The following PSD3 variants were observed in gnomAD, a reference collection of about 807,000 sequenced individuals.
PSD3 encodes PH and SEC7 domain-containing protein 3.
PSD3 carries 49 observed loss-of-function variants against 105.5 expected under a neutral mutation model. The ratio of observed to expected loss-of-function variants is 0.46; its 90% CI spans 0.37 to 0.59. PSD3 has a LOEUF of 0.59. Among genes scored for constraint, PSD3 ranks in the 20% least tolerant of loss-of-function variants. The pLI is 0.00. For missense variants in PSD3, 1,561 were observed against 1,263.8 expected, an observed-to-expected ratio of 1.24 and a Z score of -3.57; for synonymous variants, 557 against 457.8, an observed-to-expected ratio of 1.22 and a Z score of -2.77.
chr8:18,617,789 T>G (rs1805803933), intron 11 of PSD3, among the ~76,000 whole-genome samples: 1 of 152,142 alleles, frequency 6.6e-6, no homozygotes, highest in Admixed American at 6.5e-5. Context: ...AACAGACTCT[T>G]AGTAGCACTA....
intron 11 of PSD3, among the ~76,000 whole-genome samples, chr8:18,619,637 T>C (rs1356557411): frequency 6.9e-6 from 1 of 145,808 alleles, no homozygotes; most frequent in African/African-American, 2.5e-5. Flanking sequence ...GAGTGAAACC[T>C]CATCTCAAAA....
At chr8:18,844,297 A>G (rs1563337103) in intron 4 of PSD3, among the ~76,000 whole-genome samples, 1 of 152,142 alleles carries the variant, frequency 6.6e-6, no homozygotes, top group Non-Finnish European at 1.5e-5. Flanking sequence ...AAGATGGTGA[A>G]ATTTTTTACA....
intron 14 of PSD3, among the ~76,000 whole-genome samples, chr8:18,557,078 A>G (rs1801126416): frequency 6.6e-6 from 1 of 152,228 alleles, no homozygotes; most frequent in Admixed American, 6.5e-5. Flanking sequence ...GGTACCATTT[A>G]TATCACCTTA....
chr8:19,063,850 A>T (rs565947430), intron 1 of PSD3, among the ~76,000 whole-genome samples: 1 of 152,162 alleles, frequency 6.6e-6, no homozygotes, highest in Non-Finnish European at 1.5e-5. Context: ...AGCACAAAAA[A>T]GAAATTCAAG....
chr8:19,052,982 G>A (rs1828584400), intron 1 of PSD3, among the ~76,000 whole-genome samples: 1 of 152,150 alleles, frequency 6.6e-6, no homozygotes, highest in South Asian at 2.1e-4. Context: ...TTCACACTGT[G>A]GAAGGTCAGG....
At chr8:19,027,356 G>T (rs893203616) in intron 1 of PSD3, among the ~76,000 whole-genome samples, 1 of 152,146 alleles carries the variant, frequency 6.6e-6, no homozygotes, top group African/African-American at 2.4e-5. Context: ...GTAAGTTCTG[G>T]GAACCCAGCT....
intron 1 of PSD3, among the ~76,000 whole-genome samples, chr8:18,960,195 T>C (rs1227045962): frequency 6.6e-6 from 1 of 152,230 alleles, no homozygotes; most frequent in Non-Finnish European, 1.5e-5. Flanking sequence ...TTTAGATGCA[T>C]GCTCAGAACA....
chr8:18,770,194 G>C (rs532329623), intron 8 of PSD3, among the ~76,000 whole-genome samples: 3 of 152,126 alleles, frequency 2.0e-5, no homozygotes, highest in African/African-American at 7.2e-5. Context: ...GTATGCTATG[G>C]TTTTGATTTG....
chr8:18,836,141 G>A (rs1419572420), intron 4 of PSD3, among the ~76,000 whole-genome samples: 1 of 152,164 alleles, frequency 6.6e-6, no homozygotes, highest in Non-Finnish European at 1.5e-5. Flanking sequence ...TCACCTGAGT[G>A]AGATGCCAAA....
intron 14 of PSD3, among the ~76,000 whole-genome samples, chr8:18,559,341 T>C (rs902058071): frequency 6.6e-6 from 1 of 152,236 alleles, no homozygotes; most frequent in African/African-American, 2.4e-5. Context: ...CCACTGTGAT[T>C]TGAATTTATA....
chr8:18,945,133 C>G (rs953559621), intron 1 of PSD3, among the ~76,000 whole-genome samples: 7 of 152,220 alleles, frequency 4.6e-5, no homozygotes, highest in African/African-American at 1.7e-4. Context: ...AAATAAAGGT[C>G]CTCCCCCACA....
chr8:19,029,044 T>C (rs1827666195), intron 1 of PSD3, among the ~76,000 whole-genome samples: 1 of 152,214 alleles, frequency 6.6e-6, no homozygotes, highest in Non-Finnish European at 1.5e-5. Context: ...CTTACAATAA[T>C]GCAAAGTCTT....
chr8:18,796,138 A>C (rs373262251), intron 8 of PSD3, among the ~76,000 whole-genome samples: 6 of 150,796 alleles, frequency 4.0e-5, no homozygotes, highest in African/African-American at 1.5e-4. Flanking sequence ...TATATCAGTC[A>C]CATTTTTTTA....
intron 9 of PSD3, among the ~76,000 whole-genome samples, chr8:18,712,315 C>CAA (rs200087586): frequency 1.2e-3 from 143 of 123,756 alleles, no homozygotes; most frequent in East Asian, 1.9e-3. Context: ...AAAATCCTTC[C>CAA]AAAAAAAAAA....
chr8:18,669,158 A>C (rs1485692936), intron 9 of PSD3, among the ~76,000 whole-genome samples: 1 of 152,180 alleles, frequency 6.6e-6, no homozygotes, highest in Admixed American at 6.5e-5. Context: ...ACCACAACAA[A>C]TATTTGATTA....
chr8:18,890,671 G>C (rs1818729214), intron 2 of PSD3, among the ~76,000 whole-genome samples: 2 of 152,146 alleles, frequency 1.3e-5, no homozygotes, highest in Non-Finnish European at 2.9e-5. Context: ...GTAATTACAA[G>C]TCACCTGCAA....
intron 4 of PSD3, among the ~76,000 whole-genome samples, chr8:18,848,646 G>A (rs571970793): frequency 7.2e-5 from 11 of 152,324 alleles, no homozygotes; most frequent in South Asian, 6.2e-4. Flanking sequence ...ATTCTTGTAT[G>A]TATGTGTAGT....
At chr8:18,847,941 T>TTAAA (rs1268699518) in intron 4 of PSD3, among the ~76,000 whole-genome samples, 1 of 152,068 alleles carries the variant, frequency 6.6e-6, no homozygotes, top group Non-Finnish European at 1.5e-5. Flanking sequence ...ATGAGCCTGG[T>TTAAA]TAAATATTCA....
chr8:19,030,503 T>C (rs1471830080), intron 1 of PSD3, among the ~76,000 whole-genome samples: 8 of 152,062 alleles, frequency 5.3e-5, no homozygotes. Flanking sequence ...TCTCATGAGA[T>C]ATGGTTACTT....
Sources: gnomAD v4.1 joint callset for allele counts (sites outside exome capture counted in the v4.1 genomes callset) on GRCh38, gnomAD v4.1.1 for gene constraint, MANE v1.5 for transcripts, NCBI Gene and HGNC (gene_info 2026-07-23, HGNC 2026-07-21) for gene names.